Variants in MERTK observed in about 807,000 individuals in gnomAD.
The protein encoded by MERTK is MER proto-oncogene, tyrosine kinase, also known as tyrosine-protein kinase Mer.
Under a neutral mutation model 99.3 loss-of-function variants are expected in MERTK, and 69 were observed. That is an observed-to-expected ratio of 0.70 (90% CI 0.57 to 0.85). MERTK has a LOEUF of 0.85. MERTK is among the 40% of genes least tolerant of loss of function. The probability of loss-of-function intolerance (pLI) is 0.00; values close to 1 mark genes in which losing one functional copy is unlikely to be tolerated. For synonymous variants in MERTK, 426 were observed against 467.6 expected (o/e 0.91, Z 1.15); for missense variants, 1,125 against 1,249.4 (o/e 0.90, Z 1.50).
intron 15 of MERTK, among the ~76,000 whole-genome samples, chr2:112,013,790 G>A (rs1409886263): frequency 1.3e-5 from 2 of 149,110 alleles, no homozygotes; most frequent in Non-Finnish European, 3.0e-5. Flanking sequence ...ATTTCAGTGG[G>A]TTTTGTTTCA....
intron 5 of MERTK, among the ~76,000 whole-genome samples, chr2:111,965,553 C>T (rs1250909776): frequency 6.6e-6 from 1 of 152,226 alleles, no homozygotes; most frequent in African/African-American, 2.4e-5. Flanking sequence ...AACATTCACT[C>T]GTTTAGCTCT....
chr2:112,009,257 C>T (rs1210334828), intron 14 of MERTK, among the ~76,000 whole-genome samples: 8 of 152,178 alleles, frequency 5.3e-5, no homozygotes, highest in African/African-American at 1.4e-4. Flanking sequence ...TACTGTTATT[C>T]ATTCACTGCT....
chr2:111,971,215 A>C (rs1343930637), intron 6 of MERTK, among the ~76,000 whole-genome samples: 1 of 151,958 alleles, frequency 6.6e-6, no homozygotes, highest in Non-Finnish European at 1.5e-5. Context: ...TATTTTTCTT[A>C]GTCAGTCCAG....
rs565044087 is a variant in MERTK, at chr2:111,987,592, C to T, written c.1296+4599C>T. On this transcript the variant is annotated intron_variant, in intron 8 of 18. Transcript: ENST00000295408. ...TCTAAACCAGCTGGAGAATTTCTCT[C>T]CATGAATGGGACAGTCTTTTATTAA... Among the ~76,000 whole-genome samples, 19 of 152,282 alleles carry T rather than the reference C, an allele frequency of 1.2e-4. No homozygotes were observed. The South Asian group carries it at 3.9e-3, about 32-fold the overall frequency.
chr2:111,953,148 A>G (rs1213380712), intron 4 of MERTK, among the ~76,000 whole-genome samples: 1 of 151,974 alleles, frequency 6.6e-6, no homozygotes, highest in Non-Finnish European at 1.5e-5. Context: ...TGATGAATTC[A>G]CTCTCCATCA....
intron 4 of MERTK, among the ~76,000 whole-genome samples, chr2:111,963,711 G>A (rs1045850501): frequency 6.6e-6 from 1 of 152,182 alleles, no homozygotes; most frequent in East Asian, 1.9e-4. Context: ...TCTCAAGGCC[G>A]AAGAATTTCT....
At chr2:111,956,115 T>TAAA (rs954995406) in intron 4 of MERTK, among the ~76,000 whole-genome samples, 1 of 147,466 alleles carries the variant, frequency 6.8e-6, no homozygotes, top group Non-Finnish European at 1.5e-5. Context: ...CTTAAAGTAT[T>TAAA]AAAAAAAAAA....
intron 1 of MERTK, among the ~76,000 whole-genome samples, chr2:111,904,952 G>A (rs897995708): frequency 2.0e-5 from 3 of 152,194 alleles, no homozygotes; most frequent in Admixed American, 6.5e-5. Context: ...TGGCTAACCC[G>A]TGACCGGAGT....
chr2:111,975,008 AAT>A (rs1183668381), intron 6 of MERTK, among the ~76,000 whole-genome samples: 1 of 152,170 alleles, frequency 6.6e-6, no homozygotes, highest in Non-Finnish European at 1.5e-5. Context: ...TTTATAGTAT[AAT>A]ATGAATTCTA....
chr2:111,947,059 G>A (rs1684972282), intron 3 of MERTK, among the ~76,000 whole-genome samples: 1 of 152,204 alleles, frequency 6.6e-6, no homozygotes, highest in African/African-American at 2.4e-5. Flanking sequence ...GATCACTTGA[G>A]GTCAGGAGTT....
chr2:111,979,480 CA>C lies in MERTK; in HGVS notation c.1145-3361del, dbSNP rs372089881. Among the ~76,000 whole-genome samples, 772 of 152,026 alleles carry C rather than the reference CA, an allele frequency of 5.1e-3. 9 individuals are homozygous for C. The highest frequency in any genetic ancestry group is 0.018 in the African/African-American group (742 of 41,466). On this transcript the variant is annotated intron_variant, in intron 7 of 18. Transcript: ENST00000295408. ...TGCAATTTGTTTTGGTCATCAAGGGCATTCAGTGGCCCCTTTGATCTGGAAA... is the reference window on the plus strand; with the variant it reads ...TGCAATTTGTTTTGGTCATCAAGGGCTTCAGTGGCCCCTTTGATCTGGAAA...
At chr2:111,970,357 A>T (rs1178311486) in intron 6 of MERTK, among the ~76,000 whole-genome samples, 1 of 151,512 alleles carries the variant, frequency 6.6e-6, no homozygotes, top group Non-Finnish European at 1.5e-5. Context: ...GGGTTTCACC[A>T]TGTTGACCAG....
intron 8 of MERTK, among the ~76,000 whole-genome samples, chr2:111,989,713 A>G (rs1164827728): frequency 6.6e-6 from 1 of 152,174 alleles, no homozygotes; most frequent in Non-Finnish European, 1.5e-5. Flanking sequence ...CATTGAAAAC[A>G]AGTACCACCG....
intron 8 of MERTK, among the ~76,000 whole-genome samples, chr2:111,985,360 T>C (rs1215168006): frequency 6.6e-6 from 1 of 151,302 alleles, no homozygotes; most frequent in Non-Finnish European, 1.5e-5. Flanking sequence ...AGGAAGAGAG[T>C]GGGGTATTGC....
At chr2:111,978,120 TTTTTTTTTTATG>T in intron 7 of MERTK, among the ~76,000 whole-genome samples, 1 of 24,736 alleles carries the variant, frequency 4.0e-5, no homozygotes, top group African/African-American at 1.5e-4. Flanking sequence ...AATTTTTGGT[TTTTTTTTTTATG>T]TTTTGTTTTT....
intron 11 of MERTK, among the ~76,000 whole-genome samples, chr2:112,002,562 G>C (rs1676890345): frequency 6.6e-6 from 1 of 152,132 alleles, no homozygotes; most frequent in African/African-American, 2.4e-5. Flanking sequence ...ATGTGGTTCT[G>C]ATTTTTGTAA....
At chr2:111,985,102 A>G (rs1386950020) in intron 8 of MERTK, among the ~76,000 whole-genome samples, 1 of 152,194 alleles carries the variant, frequency 6.6e-6, no homozygotes, top group Non-Finnish European at 1.5e-5. Context: ...ACAAAAGGCA[A>G]AGGGAATCTA....
Position 112,021,582 on chromosome 2 carries a change from G to GT in MERTK, c.2349+2dup, listed in dbSNP as rs866314769. On this transcript the variant is annotated splice_donor_variant, in intron 17 of 18. Coordinates refer to ENST00000295408, the MANE Select transcript of MERTK (RefSeq NM_006343.3). LOFTEE classifies it high-confidence loss of function. Reference sequence around the variant, plus strand: ...AGTCTACACAAGTAAAAGTGATGTGGTATGTACACAGCTTTGATTCAGGGG... The same window carrying GT: ...AGTCTACACAAGTAAAAGTGATGTGGTTATGTACACAGCTTTGATTCAGGGG... 6.2e-7 allele frequency: 1 copy of GT among 1,611,318 alleles called. No homozygotes were observed. Among genetic ancestry groups the GT allele is most frequent in the African/African-American group, 1.3e-5 (1 of 74,868 alleles).
chr2:111,918,018 A>G (rs1456195179), intron 1 of MERTK, among the ~76,000 whole-genome samples: 1 of 152,186 alleles, frequency 6.6e-6, no homozygotes, highest in African/African-American at 2.4e-5. Flanking sequence ...TTCATCCTGT[A>G]AAACTGAAAC....
Sources: gnomAD v4.1 joint callset for allele counts (sites outside exome capture counted in the v4.1 genomes callset) on GRCh38, gnomAD v4.1.1 for gene constraint, MANE v1.5 for transcripts, NCBI Gene and HGNC (gene_info 2026-07-23, HGNC 2026-07-21) for gene names.